VWC2L: variants seen among roughly 807,000 people sequenced by gnomAD.
VWC2L encodes von Willebrand factor C domain-containing protein 2-like.
VWC2L carries 10 observed loss-of-function variants against 21.6 expected under a neutral mutation model. The observed-to-expected ratio is 0.46, with a 90% CI of 0.29 to 0.78. The LOEUF is 0.78. Ranked by LOEUF, VWC2L falls within the 30% of genes least tolerant of loss-of-function variation. The pLI is 0.10. For missense variants in VWC2L, 209 were observed against 277.1 expected, an observed-to-expected ratio of 0.75 and a Z score of 1.74; for synonymous variants, 96 against 94.3, an observed-to-expected ratio of 1.02 and a Z score of -0.10.
chr2:214,574,297 T>A (rs1690196118), intron 3 of VWC2L, among the ~76,000 whole-genome samples: 1 of 152,048 alleles, frequency 6.6e-6, no homozygotes, highest in South Asian at 2.1e-4. Flanking sequence ...TGTTACAGAG[T>A]GAAGAAAGGC....
rs73989063 is a variant in VWC2L, at chr2:214,537,891, G to A, written c.521-37781G>A. Among the ~76,000 whole-genome samples the A allele has an allele frequency of 4.1e-3, 544 of 133,118 alleles. 6 individuals carry two copies. Among genetic ancestry groups the A allele is most frequent in the African/African-American group, 0.014 (531 of 37,392 alleles). 87.3% of individuals were successfully genotyped at this position (133,118 alleles called of 152,430 possible). The stretch of plus-strand genomic sequence containing the variant: ...CAAAAATAAGCAAATTGCTTCCAAA[G>A]GATAGTGGCCTTTTTTTTTTTTTTT... On this transcript the variant is annotated intron_variant, in intron 3 of 3. Transcript: ENST00000312504.
At chr2:214,481,165 T>C (rs922377553) in intron 3 of VWC2L, among the ~76,000 whole-genome samples, 1 of 152,184 alleles carries the variant, frequency 6.6e-6, no homozygotes, top group African/African-American at 2.4e-5. Context: ...CTTTTCCCAT[T>C]AAACAGAGGT....
chr2:214,490,287 G>A (rs528941962), intron 3 of VWC2L, among the ~76,000 whole-genome samples: 1 of 151,836 alleles, frequency 6.6e-6, no homozygotes, highest in East Asian at 1.9e-4. Flanking sequence ...CTAGCCCCAA[G>A]TGCTTTAGGA....
intron 3 of VWC2L, among the ~76,000 whole-genome samples, chr2:214,569,217 C>A (rs896859843): frequency 6.6e-6 from 1 of 152,158 alleles, no homozygotes. Context: ...AAGAGCCCTG[C>A]ATCCATCAAG....
At chr2:214,444,310 G>A (rs769546238) in intron 3 of VWC2L, among the ~76,000 whole-genome samples, 12 of 151,890 alleles carry the variant, frequency 7.9e-5, no homozygotes, top group Non-Finnish European at 1.2e-4. Flanking sequence ...GTTTTAAAAA[G>A]ATCAATGACT....
intron 3 of VWC2L, among the ~76,000 whole-genome samples, chr2:214,507,535 G>A (rs768961659): frequency 2.6e-4 from 40 of 152,158 alleles, no homozygotes; most frequent in Non-Finnish European, 3.4e-4. Context: ...ATTCCCCAAG[G>A]TCTCCTGGCA....
At chr2:214,510,434 A>T (rs1689035216) in intron 3 of VWC2L, among the ~76,000 whole-genome samples, 1 of 152,166 alleles carries the variant, frequency 6.6e-6, no homozygotes. Context: ...TATTATTTCC[A>T]GTTTCTCCCC....
At chr2:214,549,093 T>C (rs1323246512) in intron 3 of VWC2L, among the ~76,000 whole-genome samples, 1 of 152,184 alleles carries the variant, frequency 6.6e-6, no homozygotes, top group Non-Finnish European at 1.5e-5. Context: ...CAAGACTGTT[T>C]TGTCTCATCC....
At chr2:214,479,867 T>C (rs1234904331) in intron 3 of VWC2L, among the ~76,000 whole-genome samples, 3 of 152,206 alleles carry the variant, frequency 2.0e-5, no homozygotes, top group East Asian at 3.8e-4. Context: ...TTTTTAATAC[T>C]TCACTGCACT....
intron 2 of VWC2L, among the ~76,000 whole-genome samples, chr2:214,420,859 G>A (rs1480887794): frequency 6.6e-6 from 1 of 152,158 alleles, no homozygotes; most frequent in African/African-American, 2.4e-5. Context: ...AGCATGTTGT[G>A]GCTTTTAACA....
chr2:214,437,490 C>T (rs960431543), intron 3 of VWC2L, among the ~76,000 whole-genome samples: 3 of 152,080 alleles, frequency 2.0e-5, no homozygotes, highest in African/African-American at 4.8e-5. Flanking sequence ...AAGCCAATAG[C>T]GCACTTTGCC....
chr2:214,445,642 TATATG>T (rs1702827052), intron 3 of VWC2L, among the ~76,000 whole-genome samples: 1 of 151,816 alleles, frequency 6.6e-6, no homozygotes, highest in African/African-American at 2.4e-5. Context: ...TGCTTAACTC[TATATG>T]ATATGATAAC....
At chr2:214,450,825 T>C (rs1702942689) in intron 3 of VWC2L, among the ~76,000 whole-genome samples, 1 of 152,230 alleles carries the variant, frequency 6.6e-6, no homozygotes, top group Non-Finnish European at 1.5e-5. Flanking sequence ...TGATGATTAA[T>C]ATAACTACTA....
At chr2:214,431,180 T>C (rs1702596943) in intron 2 of VWC2L, among the ~76,000 whole-genome samples, 1 of 152,232 alleles carries the variant, frequency 6.6e-6, no homozygotes, top group African/African-American at 2.4e-5. Context: ...TATATTTTAA[T>C]GAAGTGAACA....
rs1019803587 is a variant in VWC2L at position 214,578,828 on chromosome 2, A to G, written c.*3008A>G. On this transcript the variant is annotated 3_prime_UTR_variant, in exon 4 of 4. Coordinates refer to ENST00000312504, the MANE Select transcript of VWC2L (RefSeq NM_001080500.4). Reference sequence around the variant, plus strand: ...AACGATTCAGTTTCTAAAATCTTTGAAAAATGGCGTGCCTGAAAACTAGTG... The same window carrying G: ...AACGATTCAGTTTCTAAAATCTTTGGAAAATGGCGTGCCTGAAAACTAGTG... 3.9e-5 allele frequency: 6 copies of G among 152,166 alleles called. No individual in the cohort carries two copies. The highest frequency in any genetic ancestry group is 1.3e-4 in the Admixed American group (2 of 15,284). 9.4% of individuals were successfully genotyped at this position (152,166 alleles called of 1,614,324 possible).
intron 3 of VWC2L, among the ~76,000 whole-genome samples, chr2:214,492,671 A>G (rs1688760953): frequency 6.6e-6 from 1 of 152,228 alleles, no homozygotes; most frequent in South Asian, 2.1e-4. Flanking sequence ...GGAATTTTTA[A>G]TTTAAAGGAG....
chr2:214,498,748 GTGTATATATA>G (rs1688848025), intron 3 of VWC2L, among the ~76,000 whole-genome samples: 1 of 137,520 alleles, frequency 7.3e-6, no homozygotes, highest in Non-Finnish European at 1.6e-5. Flanking sequence ...ATTTTTATAT[GTGTATATATA>G]TTATACATAC....
intron 3 of VWC2L, among the ~76,000 whole-genome samples, chr2:214,478,584 A>C (rs1688559490): frequency 6.6e-6 from 1 of 152,202 alleles, no homozygotes; most frequent in Non-Finnish European, 1.5e-5. Flanking sequence ...ACCCAAAGTC[A>C]CTGCTTTTCC....
intron 3 of VWC2L, among the ~76,000 whole-genome samples, chr2:214,450,103 T>C (rs1051244384): frequency 1.3e-5 from 2 of 152,160 alleles, no homozygotes; most frequent in East Asian, 3.8e-4. Context: ...GGTGTAGGGT[T>C]ATTGATGTCT....
Sources: gnomAD v4.1 joint callset for allele counts (sites outside exome capture counted in the v4.1 genomes callset) on GRCh38, gnomAD v4.1.1 for gene constraint, MANE v1.5 for transcripts, NCBI Gene and HGNC (gene_info 2026-07-23, HGNC 2026-07-21) for gene names.